Variants in HNRNPH1 observed in about 807,000 individuals in gnomAD.
The protein encoded by HNRNPH1 is heterogeneous nuclear ribonucleoprotein H1, also known as heterogeneous nuclear ribonucleoprotein H.
Under a neutral mutation model 58.6 loss-of-function variants are expected in HNRNPH1, and 4 were observed. That is an observed-to-expected ratio of 0.07 (90% confidence interval 0.03 to 0.16). The LOEUF is 0.16. Ranked by LOEUF, HNRNPH1 falls within the 10% of genes least tolerant of loss-of-function variation. The pLI is 1.00. For synonymous variants in HNRNPH1, 192 were observed against 189.2 expected, an observed-to-expected ratio of 1.01 and a Z score of -0.12; for missense variants, 271 against 564.2, an observed-to-expected ratio of 0.48 and a Z score of 5.26.
chr5:179,633,473 T>G (rs1775015870), intron 2 of HNRNPH1, among the ~76,000 whole-genome samples: 1 of 145,832 alleles, frequency 6.9e-6, no homozygotes, highest in South Asian at 2.2e-4. Context: ...TTTTTTTTTT[T>G]TTTTTTTTTT....
chr5:179,616,641 C>T (rs1769857248), intron 10 of HNRNPH1: 4 of 567,108 alleles, frequency 7.1e-6, no homozygotes, highest in Admixed American at 3.4e-5. Flanking sequence ...AGTTTCACTC[C>T]GTAGTCCCCT....
chr5:179,632,667 C>A (rs1581777006), intron 2 of HNRNPH1, among the ~76,000 whole-genome samples: 1 of 152,140 alleles, frequency 6.6e-6, no homozygotes, highest in African/African-American at 2.4e-5. Context: ...AGGCGGACAA[C>A]GCAGGCGGCC....
intron 8 of HNRNPH1, 28 bp from the exon 10 acceptor site, chr5:179,617,138 ATGTT>A (rs760002771): frequency 1.2e-6 from 2 of 1,605,592 alleles, no homozygotes; most frequent in East Asian, 2.2e-5. Flanking sequence ...AAGTTTGAAA[ATGTT>A]TGTTGGTGAA....
intron 10 of HNRNPH1, 67 bp from the exon 12 acceptor site, chr5:179,616,285 T>G: frequency 1.7e-6 from 2 of 1,192,614 alleles, no homozygotes; most frequent in Non-Finnish European, 2.5e-6. Flanking sequence ...GTACCGGGCT[T>G]GTAATTCTAT....
At chr5:179,624,226 G>A (rs74452694) in exon 1 of HNRNPH1, 2 of 336,912 alleles carry the variant, frequency 5.9e-6, no homozygotes, top group Non-Finnish European at 1.1e-5. Flanking sequence ...AACGTCCTGG[G>A]AGCTGCGGGG....
chr5:179,623,086 C>G (rs1383090300), exon 1 of HNRNPH1: 2 of 1,609,084 alleles, frequency 1.2e-6, no homozygotes, highest in Non-Finnish European at 1.7e-6. Context: ...AGGGCAAGCC[C>G]CGGACCTTCA....
intron 1 of HNRNPH1, among the ~76,000 whole-genome samples, chr5:179,622,531 T>C (rs1479026706): frequency 2.0e-5 from 3 of 152,000 alleles, no homozygotes; most frequent in South Asian, 2.1e-4. Flanking sequence ...GCCAAAATAG[T>C]GAAACCCCGT....
chr5:179,619,514 G>T, intron 3 of HNRNPH1, 107 bp from the exon 5 acceptor site: 1 of 927,294 alleles, frequency 1.1e-6, no homozygotes, highest in Non-Finnish European at 1.6e-6. Context: ...TTAACTTTAG[G>T]TGAATGGTAT....
exon 1 of HNRNPH1, chr5:179,623,380 G>A: frequency 6.1e-6 from 2 of 326,824 alleles, no homozygotes; most frequent in South Asian, 3.0e-5. Flanking sequence ...CGGGCCGAGA[G>A]CCAGCGTAGA....
At chr5:179,623,861 C>T (rs996047731) in exon 1 of HNRNPH1, 6 of 152,414 alleles carry the variant, frequency 3.9e-5, no homozygotes, top group African/African-American at 1.4e-4. Context: ...CACCCATAAA[C>T]CCGCCGGGCT....
exon 1 of HNRNPH1, chr5:179,624,219 G>T (rs971553816): frequency 8.3e-5 from 27 of 324,306 alleles, no homozygotes; most frequent in Non-Finnish European, 3.4e-5. Flanking sequence ...ATTGTCGAAC[G>T]TCCTGGGAGC....
chr5:179,619,218 A>G, intron 4 of HNRNPH1, 51 bp downstream of exon 5: 1 of 1,463,316 alleles, frequency 6.8e-7, no homozygotes, highest in Non-Finnish European at 9.4e-7. Context: ...ATATGGATTT[A>G]ATTGTTTACC....
intron 9 of HNRNPH1, 24 bp downstream of exon 10, chr5:179,617,027 C>G: frequency 6.2e-7 from 1 of 1,605,300 alleles, no homozygotes; most frequent in East Asian, 2.2e-5. Flanking sequence ...TTACACAAAC[C>G]CATGCCTCCT....
intron 2 of HNRNPH1, among the ~76,000 whole-genome samples, chr5:179,631,756 T>G (rs1774847402): frequency 6.6e-6 from 1 of 151,356 alleles, no homozygotes; most frequent in South Asian, 2.1e-4. Context: ...AAAAAAAATT[T>G]TTTTTTTAAA....
upstream of HNRNPH1, among the ~76,000 whole-genome samples, chr5:179,625,971 T>C (rs1358059986): frequency 3.0e-5 from 4 of 134,398 alleles, no homozygotes; most frequent in African/African-American, 5.2e-5. Context: ...TTATTTTTTG[T>C]AGCAATGGGG....
intron 2 of HNRNPH1, among the ~76,000 whole-genome samples, chr5:179,633,381 C>T (rs12514650): frequency 0.4 from 61,003 of 150,994 alleles, 12,747 homozygotes; most frequent in African/African-American, 0.45. Context: ...CTGCAAGCTC[C>T]GCCTCCCGGG....
chr5:179,618,389 T>C lies in HNRNPH1; in HGVS notation c.537-66A>G, dbSNP rs919724395. 2.1e-5 allele frequency: 23 copies of C among 1,072,390 alleles called. No individual in the cohort carries two copies. The African/African-American group carries it at 3.1e-4, about 15-fold the overall frequency. 66.4% of individuals were successfully genotyped at this position (1,072,390 alleles called of 1,614,324 possible). On this transcript the variant is annotated intron_variant, in intron 4 of 12. Coordinates refer to ENST00000356731, the Ensembl canonical transcript of HNRNPH1. ...AAAACATTAGTTCATTTTATACAGG[T>C]ATTTAGTTATACAAGAAAACAATCT... is the stretch of plus-strand genomic sequence containing the variant.
upstream of HNRNPH1, among the ~76,000 whole-genome samples, chr5:179,627,136 CT>C (rs1303023847): frequency 2.0e-5 from 3 of 152,088 alleles, no homozygotes; most frequent in Non-Finnish European, 2.9e-5. Flanking sequence ...GCTGTTAGCC[CT>C]TAGGATAGTT....
At chr5:179,615,469 T>G in intron 12 of HNRNPH1, 77 bp downstream of exon 13, 1 of 775,058 alleles carries the variant, frequency 1.3e-6, no homozygotes, top group Non-Finnish European at 2.1e-6. Context: ...TCAGAGCCAT[T>G]GACTGCTATA....
Sources: allele counts gnomAD v4.1 joint callset (sites outside exome capture counted in the v4.1 genomes callset), GRCh38; gene constraint gnomAD v4.1.1; transcripts MANE v1.5; gene names NCBI Gene and HGNC (gene_info 2026-07-23, HGNC 2026-07-21).